The following NHEJ1 variants were observed in gnomAD, a reference collection of about 807,000 sequenced individuals.
NHEJ1 encodes non-homologous end-joining factor 1.
A neutral mutation model predicts 39.4 loss-of-function variants in NHEJ1; 22 were observed. The observed-to-expected ratio is 0.56, with a 90% CI of 0.40 to 0.80. The LOEUF (loss-of-function observed/expected upper bound fraction) is 0.80. Among genes scored for constraint, NHEJ1 ranks in the 30% least tolerant of loss-of-function variants. The pLI is 0.00. For missense variants in NHEJ1, 329 were observed against 357.1 expected, an observed-to-expected ratio of 0.92 and a Z score of 0.63; for synonymous variants, 154 against 135.6, an observed-to-expected ratio of 1.14 and a Z score of -0.94.
rs1315390457 is a variant in NHEJ1 at position 219,071,250 on chromosome 2, T to A, written c.*5131A>T. The stretch of plus-strand genomic sequence containing the variant: ...GAAGTGCCAGTCAAAAGGATCACCC[T>A]TCCCCTACTCCATTCTCCCCTCTCC... On this transcript the variant is annotated 3_prime_UTR_variant, in exon 8 of 8. Transcript: ENST00000356853. Among the ~76,000 whole-genome samples, 1 of 152,148 alleles carries A rather than the reference T, an allele frequency of 6.6e-6. No homozygotes were observed. The highest frequency in any genetic ancestry group is 1.5e-5 in the Non-Finnish European group (1 of 68,018).
Position 219,082,600 on chromosome 2 carries a change from G to A in NHEJ1, c.589-4394C>T, listed in dbSNP as rs1949076969. 2.0e-5 allele frequency among the ~76,000 whole-genome samples: 3 copies of A among 152,310 alleles called. No individual in the cohort carries two copies. In the South Asian group the frequency reaches 6.2e-4, roughly 32 times the overall value. On this transcript the variant is annotated intron_variant, in intron 5 of 7. Transcript: ENST00000356853. ...GATCTACTGCTCACCCTATAAATAT[G>A]GACCCACAGTCTGAGGATACAGGTT... is the stretch of plus-strand genomic sequence containing the variant.
chr2:219,084,214 C>T (rs1274856265), intron 5 of NHEJ1, among the ~76,000 whole-genome samples: 1 of 152,040 alleles, frequency 6.6e-6, no homozygotes, highest in Non-Finnish European at 1.5e-5. Context: ...ACCATGTTGG[C>T]CAGGATGGTC....
intron 5 of NHEJ1, among the ~76,000 whole-genome samples, chr2:219,094,561 T>C (rs1250744323): frequency 2.0e-5 from 3 of 152,354 alleles, no homozygotes; most frequent in Non-Finnish European, 2.9e-5. Context: ...CTCCTGGCTA[T>C]AGTCCAGGTA....
At chr2:219,080,267 T>C (rs1027367999) in intron 5 of NHEJ1, among the ~76,000 whole-genome samples, 49 of 152,270 alleles carry the variant, frequency 3.2e-4, no homozygotes, top group Non-Finnish European at 2.9e-5. Context: ...CCGGGCATGG[T>C]GGCTCACACC....
intron 3 of NHEJ1, among the ~76,000 whole-genome samples, chr2:219,154,868 T>C (rs1949835089): frequency 6.8e-6 from 1 of 147,402 alleles, no homozygotes; most frequent in South Asian, 2.1e-4. Context: ...TTGTATTATA[T>C]ATATTATATA....
At chr2:219,155,410 TTTTTTTTAATTTTATTTA>T (rs1559204681) in intron 3 of NHEJ1, among the ~76,000 whole-genome samples, 1 of 151,702 alleles carries the variant, frequency 6.6e-6, no homozygotes, top group East Asian at 1.9e-4. Flanking sequence ...CTACAAAAAA[TTTTTTTTAATTTTATTTA>T]TTTTTTTAAT....
intron 5 of NHEJ1, among the ~76,000 whole-genome samples, chr2:219,123,870 G>A (rs940578185): frequency 2.0e-5 from 3 of 152,186 alleles, no homozygotes; most frequent in East Asian, 1.9e-4. Flanking sequence ...ACTCTCAGGC[G>A]CTGTGTTCTG....
At chr2:219,089,050 A>C (rs1949137253) in intron 5 of NHEJ1, among the ~76,000 whole-genome samples, 1 of 151,818 alleles carries the variant, frequency 6.6e-6, no homozygotes, top group African/African-American at 2.4e-5. Flanking sequence ...CGATCTCCTG[A>C]CCTCGTGATC....
intron 5 of NHEJ1, among the ~76,000 whole-genome samples, chr2:219,123,844 G>A (rs984995902): frequency 6.6e-6 from 1 of 152,204 alleles, no homozygotes; most frequent in Non-Finnish European, 1.5e-5. Context: ...CCACACCTAG[G>A]AAGAGGGTGG....
chr2:219,132,432 T>A (rs1199417218), intron 5 of NHEJ1, among the ~76,000 whole-genome samples: 1 of 152,246 alleles, frequency 6.6e-6, no homozygotes, highest in East Asian at 1.9e-4. Context: ...CAACTATTCC[T>A]TCTTTAAACC....
At chr2:219,147,966 T>C (rs1253413921) in intron 3 of NHEJ1, among the ~76,000 whole-genome samples, 171 bp from the exon 4 acceptor site, 1 of 152,192 alleles carries the variant, frequency 6.6e-6, no homozygotes, top group African/African-American at 2.4e-5. Flanking sequence ...TAATTAAATA[T>C]ATTAAGAAGG....
chr2:219,120,586 C>T (rs1276371247), intron 5 of NHEJ1, among the ~76,000 whole-genome samples: 1 of 152,156 alleles, frequency 6.6e-6, no homozygotes. Flanking sequence ...CCAAGGTCAG[C>T]TTCCTCAGAC....
chr2:219,102,244 C>T (rs1371126725), intron 5 of NHEJ1, among the ~76,000 whole-genome samples: 4 of 152,182 alleles, frequency 2.6e-5, no homozygotes, highest in Non-Finnish European at 5.9e-5. Flanking sequence ...GAAAAATGTA[C>T]TAATATACCT....
chr2:219,086,240 GC>G (rs1388312092), intron 5 of NHEJ1, among the ~76,000 whole-genome samples: 1 of 152,012 alleles, frequency 6.6e-6, no homozygotes, highest in African/African-American at 2.4e-5. Flanking sequence ...ATGACTTGAA[GC>G]CCAATCTCAT....
chr2:219,149,303 C>G (rs1031792170), intron 3 of NHEJ1, among the ~76,000 whole-genome samples: 16 of 152,264 alleles, frequency 1.1e-4, no homozygotes, highest in Middle Eastern at 3.4e-3. Context: ...TTTAATTCAC[C>G]TACACAAGGT....
intron 3 of NHEJ1, among the ~76,000 whole-genome samples, chr2:219,154,899 T>C (rs931492858): frequency 1.4e-5 from 2 of 147,368 alleles, no homozygotes; most frequent in African/African-American, 2.5e-5. Context: ...CATTATATTA[T>C]ACCATTACAT....
Position 219,096,732 on chromosome 2 carries a change from T to C in NHEJ1, c.589-18526A>G, listed in dbSNP as rs551786281. On this transcript the variant is annotated intron_variant, in intron 5 of 7. Coordinates refer to ENST00000356853, the MANE Select transcript of NHEJ1 (RefSeq NM_024782.3). ...GGGAGCAGAGGGCATAAGACAGGAG[T>C]GTGCCCAGGGTGTTAAACAAAACAG... Among the ~76,000 whole-genome samples the C allele has an allele frequency of 1.6e-3, 247 of 151,940 alleles. 2 individuals carry two copies. The highest frequency in any genetic ancestry group is 3.0e-3 in the Non-Finnish European group (204 of 67,954).
intron 5 of NHEJ1, among the ~76,000 whole-genome samples, chr2:219,109,082 G>C (rs1949339630): frequency 6.6e-6 from 1 of 152,150 alleles, no homozygotes. Context: ...TCTTTTTCCA[G>C]TGCCCCAGCA....
chr2:219,127,796 T>C (rs1044809228), intron 5 of NHEJ1, among the ~76,000 whole-genome samples: 3 of 152,238 alleles, frequency 2.0e-5, no homozygotes, highest in Admixed American at 6.5e-5. Context: ...CCTCTTAAAC[T>C]GCAGTTTAAG....
Sources: allele counts gnomAD v4.1 joint callset (sites outside exome capture counted in the v4.1 genomes callset), GRCh38; gene constraint gnomAD v4.1.1; transcripts MANE v1.5; gene names NCBI Gene and HGNC (gene_info 2026-07-23, HGNC 2026-07-21).